The following TSPAN8 variants were observed in gnomAD, a reference collection of about 807,000 sequenced individuals.
TSPAN8 encodes tetraspanin 8.
TSPAN8 carries 21 observed loss-of-function variants against 32.8 expected under a neutral mutation model. The ratio of observed to expected loss-of-function variants is 0.64; its 90% CI spans 0.45 to 0.92. TSPAN8 has a LOEUF of 0.92. TSPAN8 is among the 40% of genes least tolerant of loss of function. The probability of loss-of-function intolerance (pLI) is 0.00; values close to 1 mark genes in which losing one functional copy is unlikely to be tolerated. For synonymous variants in TSPAN8, 95 were observed against 94.6 expected, an observed-to-expected ratio of 1.00 and a Z score of -0.03; for missense variants, 269 against 281.9, an observed-to-expected ratio of 0.95 and a Z score of 0.33.
intron 2 of TSPAN8, among the ~76,000 whole-genome samples, chr12:71,145,016 T>C (rs980557970): frequency 9.9e-5 from 15 of 151,888 alleles, no homozygotes; most frequent in African/African-American, 3.1e-4. Context: ...TATTATTAGA[T>C]AGAGATGTTA....
chr12:71,151,041 C>T (rs1475431068), intron 2 of TSPAN8, among the ~76,000 whole-genome samples: 1 of 151,838 alleles, frequency 6.6e-6, no homozygotes, highest in Non-Finnish European at 1.5e-5. Flanking sequence ...CAATGTGTCT[C>T]CATGATTGCA....
At chr12:71,137,893 C>A in intron 6 of TSPAN8, 60 bp downstream of exon 6, 2 of 1,482,632 alleles carry the variant, frequency 1.3e-6, no homozygotes, top group South Asian at 1.3e-5. Flanking sequence ...ATGTTAAAAA[C>A]TAAACAAACA....
rs1327340605 is a variant in TSPAN8, at chr12:71,137,947, A to G, written c.444+6T>C. On this transcript the variant is annotated splice_donor_region_variant and intron_variant, in intron 6 of 8. Transcript: ENST00000247829. ...CTCTTTAAAATGAACAATGAATTCT[A>G]ATTACCTCTTCTTGAAACACAATTA... 1.9e-6 allele frequency: 3 copies of G among 1,608,662 alleles called. No homozygotes were observed. The highest frequency in any genetic ancestry group is 3.4e-5 in the Admixed American group (2 of 59,394).
Position 71,144,140 on chromosome 12 carries a change from T to C in TSPAN8, c.123+11A>G, listed in dbSNP as rs774528234. Reference sequence around the variant, plus strand: ...CATTGGGGAAAGGGTGACTTGTTTTTGCATACTTACTGCTTGAGAGTCATT... The same window carrying C: ...CATTGGGGAAAGGGTGACTTGTTTTCGCATACTTACTGCTTGAGAGTCATT... On this transcript the variant is annotated intron_variant, in intron 3 of 8. Coordinates refer to ENST00000247829, the MANE Select transcript of TSPAN8 (RefSeq NM_004616.3). The C allele has an allele frequency of 7.5e-6, 12 of 1,609,054 alleles. No individual in the cohort carries two copies. Among genetic ancestry groups the C allele is most frequent in the Middle Eastern group, 1.7e-4 (1 of 6,024 alleles).
At chr12:71,152,395 T>C (rs1025997128) in intron 2 of TSPAN8, among the ~76,000 whole-genome samples, 6 of 152,252 alleles carry the variant, frequency 3.9e-5, no homozygotes, top group Non-Finnish European at 7.3e-5. Flanking sequence ...AATAGTTACA[T>C]ATTTCTGCTT....
chr12:71,130,056 GATCCTCCCACCTA>G (rs1871473536), intron 7 of TSPAN8, among the ~76,000 whole-genome samples: 1 of 150,896 alleles, frequency 6.6e-6, no homozygotes, highest in Non-Finnish European at 1.5e-5. Context: ...GGGCTCAAGT[GATCCTCCCACCTA>G]ATCCTCCCAA....
At chr12:71,135,900 C>G (rs575558245) in intron 6 of TSPAN8, among the ~76,000 whole-genome samples, 2 of 152,132 alleles carry the variant, frequency 1.3e-5, no homozygotes, top group South Asian at 4.2e-4. Context: ...AAGCTGGGCT[C>G]TAGAGTAAGA....
chr12:71,134,861 C>G (rs1253465314), intron 6 of TSPAN8, among the ~76,000 whole-genome samples: 1 of 152,176 alleles, frequency 6.6e-6, no homozygotes, highest in Non-Finnish European at 1.5e-5. Flanking sequence ...TATCAAGTCA[C>G]TACATCAGAG....
chr12:71,153,735 C>T (rs764274168), intron 2 of TSPAN8, among the ~76,000 whole-genome samples: 8 of 152,152 alleles, frequency 5.3e-5, no homozygotes, highest in Non-Finnish European at 1.2e-4. Flanking sequence ...GATATAGGAA[C>T]CTTTCCTAAC....
chr12:71,132,489 C>T lies in TSPAN8; in HGVS notation c.576+204G>A, dbSNP rs1187465803. Among the ~76,000 whole-genome samples, 5 of 152,226 alleles carry T rather than the reference C, an allele frequency of 3.3e-5. No homozygotes were observed. The East Asian group carries it at 5.8e-4, about 18-fold the overall frequency. On this transcript the variant is annotated intron_variant, in intron 7 of 8. Transcript: ENST00000247829. Reference sequence around the variant, plus strand: ...GTTTCTTTGACCTATTAATATTGGGCTTAAATGATGCCAGACTCATAGAAG... The same window carrying T: ...GTTTCTTTGACCTATTAATATTGGGTTTAAATGATGCCAGACTCATAGAAG...
chr12:71,147,391 TG>T (rs1353284029), intron 2 of TSPAN8, among the ~76,000 whole-genome samples: 2 of 152,008 alleles, frequency 1.3e-5, no homozygotes, highest in Non-Finnish European at 2.9e-5. Flanking sequence ...GGAGGAGGAG[TG>T]GATTTTGAAC....
intron 8 of TSPAN8, among the ~76,000 whole-genome samples, chr12:71,126,925 T>C (rs1871366705): frequency 6.6e-6 from 1 of 152,164 alleles, no homozygotes. Flanking sequence ...TAAGGTATTC[T>C]GCACAATCTT....
chr12:71,129,289 G>A, intron 8 of TSPAN8, 42 bp downstream of exon 8: 1 of 1,451,236 alleles, frequency 6.9e-7, no homozygotes, highest in Non-Finnish European at 9.2e-7. Flanking sequence ...TAATGAACAA[G>A]CAAGGGAATA....
rs192140879 is a variant in TSPAN8 at position 71,126,173 on chromosome 12, A to G, written c.661-786T>C. 1.5e-3 allele frequency among the ~76,000 whole-genome samples: 229 copies of G among 152,298 alleles called. 1 individual carries two copies. The highest frequency in any genetic ancestry group is 5.3e-3 in the African/African-American group (221 of 41,572). On this transcript the variant is annotated intron_variant, in intron 8 of 8. Transcript: ENST00000247829. Reference sequence around the variant, plus strand: ...GATGGAGGAAGGCAAAGTGACATTTATGCTGAGTCAACTTAAATGCTTCTA... The same window carrying G: ...GATGGAGGAAGGCAAAGTGACATTTGTGCTGAGTCAACTTAAATGCTTCTA...
At chr12:71,140,685 C>T (rs1871876142) in intron 3 of TSPAN8, among the ~76,000 whole-genome samples, 1 of 152,222 alleles carries the variant, frequency 6.6e-6, no homozygotes, top group African/African-American at 2.4e-5. Context: ...ACATACTCGT[C>T]TTCATCACCC....
At chr12:71,125,515 A>C in intron 8 of TSPAN8, 128 bp from the exon 9 acceptor site, 110 of 721,678 alleles carry the variant, frequency 1.5e-4, no homozygotes, top group East Asian at 2.3e-4. Context: ...TATCTAACTC[A>C]TCTCTCTTGG....
chr12:71,133,542 A>G (rs1451896149), intron 6 of TSPAN8, among the ~76,000 whole-genome samples: 2 of 152,228 alleles, frequency 1.3e-5, no homozygotes, highest in Non-Finnish European at 2.9e-5. Flanking sequence ...ATCTCTGATC[A>G]CTTTTGAAAG....
chr12:71,157,940 A>T lies in TSPAN8; in HGVS notation c.-120T>A, dbSNP rs906034421. ...AGGCTATTAACTCACACATTTAAAT[A>T]TCGCAAAGGCTATCTCCAGGCAAGT... On this transcript the variant is annotated 5_prime_UTR_variant, in exon 1 of 9. Transcript: ENST00000247829. The T allele has an allele frequency of 2.3e-6, 1 of 439,848 alleles. No homozygotes were observed. The highest frequency in any genetic ancestry group is 3.5e-5 in the East Asian group (1 of 28,680). The allele number at this position is 439,848 out of a possible 1,614,324, so 27.2% of individuals were successfully genotyped here. A position where few individuals can be genotyped will look rare whatever the true frequency, so the allele number is the denominator to read the frequency against.
At chr12:71,141,483 G>A (rs1421390441) in intron 3 of TSPAN8, among the ~76,000 whole-genome samples, 2 of 152,152 alleles carry the variant, frequency 1.3e-5, no homozygotes, top group Non-Finnish European at 2.9e-5. Context: ...GAGGATGGAA[G>A]CCTCGCTAGC....
Sources: gnomAD v4.1 joint callset for allele counts (sites outside exome capture counted in the v4.1 genomes callset) on GRCh38, gnomAD v4.1.1 for gene constraint, MANE v1.5 for transcripts, NCBI Gene and HGNC (gene_info 2026-07-23, HGNC 2026-07-21) for gene names.